SH3BGR: variants seen among roughly 807,000 people sequenced by gnomAD.
SH3BGR encodes the protein SH3 domain binding glutamate rich protein, also known as SH3 domain-binding glutamic acid-rich protein.
In SH3BGR, 29 loss-of-function variants were observed where a neutral mutation model predicts 24.5. That is an observed-to-expected ratio of 1.18 (90% confidence interval 0.88 to 1.61). The LOEUF (loss-of-function observed/expected upper bound fraction) is 1.61, where lower values mean the gene tolerates loss of function less well. SH3BGR is among the 40% of genes most tolerant of loss of function. The pLI is 0.00. For synonymous variants in SH3BGR, 55 were observed against 65.7 expected (o/e 0.84, Z 0.79); for missense variants, 162 against 205.8 (o/e 0.79, Z 1.30).
chr21:39,452,018 G>GTGTCAC lies in SH3BGR; in HGVS notation c.-73_-68dup. The GTGTCAC allele has an allele frequency of 6.2e-7, 1 of 1,614,172 alleles. No individual in the cohort carries two copies. The highest frequency in any genetic ancestry group is 8.5e-7 in the Non-Finnish European group (1 of 1,180,026). On this transcript the variant is annotated 5_prime_UTR_variant, in exon 1 of 7. Transcript: ENST00000333634. Reference sequence around the variant, plus strand: ...GCCCCGACCTGGCACTTGCTTGCCTGTGTCACTGTCAGGATTTGTCTAGCG... The same window carrying GTGTCAC: ...GCCCCGACCTGGCACTTGCTTGCCTGTGTCACTGTCACTGTCAGGATTTGTCTAGCG...
chr21:39,462,032 A>G (rs2077763455), intron 1 of SH3BGR, among the ~76,000 whole-genome samples: 1 of 152,000 alleles, frequency 6.6e-6, no homozygotes. Flanking sequence ...TATTTTTAGT[A>G]GAGACAAGGT....
intron 3 of SH3BGR, among the ~76,000 whole-genome samples, chr21:39,498,369 C>A (rs2078433689): frequency 6.6e-6 from 1 of 152,144 alleles, no homozygotes; most frequent in Non-Finnish European, 1.5e-5. Context: ...GGCTGGGACC[C>A]ATTTTGTAAG....
rs144052054 is a variant in SH3BGR, at chr21:39,485,111, G to C, written c.312+9896G>C. Among the ~76,000 whole-genome samples, 528 of 152,270 alleles carry C rather than the reference G, an allele frequency of 3.5e-3. 4 individuals are homozygous for C. Among genetic ancestry groups the C allele is most frequent in the African/African-American group, 0.012 (497 of 41,542 alleles). On this transcript the variant is annotated intron_variant, in intron 3 of 6. Coordinates refer to ENST00000333634, the MANE Select transcript of SH3BGR (RefSeq NM_007341.3). ...CAAGAGGGCTTTGTAAGTAAGCATTGGTTCCATAAAGTCAACCTTAGTTCT... is the reference window on the plus strand; with the variant it reads ...CAAGAGGGCTTTGTAAGTAAGCATTCGTTCCATAAAGTCAACCTTAGTTCT...
intron 3 of SH3BGR, among the ~76,000 whole-genome samples, chr21:39,496,627 G>T (rs1353485289): frequency 6.6e-6 from 1 of 151,680 alleles, no homozygotes; most frequent in Non-Finnish European, 1.5e-5. Flanking sequence ...TAAGTTTCTA[G>T]ATGAAAGAAA....
rs74859291 is a variant in SH3BGR, at chr21:39,452,944, A to G, written c.45+803A>G. 3.6e-3 allele frequency among the ~76,000 whole-genome samples: 546 copies of G among 152,356 alleles called. 4 individuals are homozygous for G. Among genetic ancestry groups the G allele is most frequent in the African/African-American group, 0.013 (532 of 41,574 alleles). ...GTCTGGAACTGATATTTCGACCAGC[A>G]TTTTAGCAGCAGTTAGGAAGGCTGT... is the stretch of plus-strand genomic sequence containing the variant. On this transcript the variant is annotated intron_variant, in intron 1 of 6. Coordinates refer to ENST00000333634, the MANE Select transcript of SH3BGR (RefSeq NM_007341.3).
chr21:39,492,760 G>A (rs529383317), intron 3 of SH3BGR, among the ~76,000 whole-genome samples: 1 of 151,976 alleles, frequency 6.6e-6, no homozygotes, highest in African/African-American at 2.4e-5. Flanking sequence ...AGTGTTCCCT[G>A]TTCACTGCAT....
chr21:39,468,675 G>A (rs1300098783), intron 2 of SH3BGR, among the ~76,000 whole-genome samples: 2 of 152,196 alleles, frequency 1.3e-5, no homozygotes, highest in Non-Finnish European at 2.9e-5. Context: ...CTGGGCTCAA[G>A]CAATCCTCCT....
chr21:39,511,843 A>G lies in SH3BGR; in HGVS notation c.*34+34A>G, dbSNP rs1278595996. The G allele has an allele frequency of 2.5e-6, 4 of 1,576,734 alleles. No homozygotes were observed. The highest frequency in any genetic ancestry group is 1.9e-5 in the Admixed American group (1 of 52,164). Reference sequence around the variant, plus strand: ...AGGATTCTGGGGTGGAAAAGCTGCTAGTTACCGTACTGTATGCTATCTGCG... The same window carrying G: ...AGGATTCTGGGGTGGAAAAGCTGCTGGTTACCGTACTGTATGCTATCTGCG... On this transcript the variant is annotated intron_variant, in intron 6 of 6. Transcript: ENST00000333634. The surrounding 1 kb of genome is among the most constrained non-coding windows in gnomAD (Gnocchi z 4.2).
Position 39,452,001 on chromosome 21 carries a change from C to T in SH3BGR, c.-96C>T. The T allele has an allele frequency of 6.2e-7, 1 of 1,614,216 alleles. No homozygotes were observed. Among genetic ancestry groups the T allele is most frequent in the Non-Finnish European group, 8.5e-7 (1 of 1,180,036 alleles). On this transcript the variant is annotated 5_prime_UTR_variant, in exon 1 of 7. Coordinates refer to ENST00000333634, the MANE Select transcript of SH3BGR (RefSeq NM_007341.3). ...CCCCTGGGCTGCTGCCAGCCCCGAC[C>T]TGGCACTTGCTTGCCTGTGTCACTG... is the stretch of plus-strand genomic sequence containing the variant.
At chr21:39,475,351 A>G in intron 3 of SH3BGR, 136 bp downstream of exon 3, 3 of 569,732 alleles carry the variant, frequency 5.3e-6, no homozygotes, top group Non-Finnish European at 9.3e-6. Context: ...ATTCTGATGC[A>G]GTCCTATGCA....
At chr21:39,463,354 CCA>C (rs2077787309) in intron 2 of SH3BGR, among the ~76,000 whole-genome samples, 1 of 151,916 alleles carries the variant, frequency 6.6e-6, no homozygotes, top group Admixed American at 6.6e-5. Context: ...CTTTTTTTCC[CCA>C]GAGTTTATAG....
intron 4 of SH3BGR, among the ~76,000 whole-genome samples, chr21:39,504,841 A>G: frequency 6.6e-6 from 1 of 151,964 alleles, no homozygotes; most frequent in Non-Finnish European, 1.5e-5. Flanking sequence ...ATTTTTATTT[A>G]TTTATTTTTA....
intron 2 of SH3BGR, among the ~76,000 whole-genome samples, chr21:39,465,166 T>C (rs1025471226): frequency 2.0e-5 from 3 of 152,036 alleles, no homozygotes; most frequent in Non-Finnish European, 4.4e-5. Context: ...TCCCAAAGTA[T>C]TGGGATTACA....
intron 1 of SH3BGR, among the ~76,000 whole-genome samples, chr21:39,453,940 C>G (rs190849636): frequency 4.6e-5 from 7 of 152,296 alleles, no homozygotes; most frequent in Admixed American, 4.6e-4. Flanking sequence ...TTAGTTGCTA[C>G]TATAATTGTT....
At position 39,454,849 on chromosome 21, in the gene SH3BGR, G is replaced by A. The variant is rs73367994; in HGVS notation, c.45+2708G>A. Reference sequence around the variant, plus strand: ...CGTGTGACAGTGCACTGGGATGGTAGTGTGCTATGTGGTGCCTGACAGTGC... The same window carrying A: ...CGTGTGACAGTGCACTGGGATGGTAATGTGCTATGTGGTGCCTGACAGTGC... On this transcript the variant is annotated intron_variant, in intron 1 of 6. Coordinates refer to ENST00000333634, the MANE Select transcript of SH3BGR (RefSeq NM_007341.3). Among the ~76,000 whole-genome samples the A allele has an allele frequency of 2.8e-3, 420 of 152,348 alleles. 1 individual carries two copies. Among genetic ancestry groups the A allele is most frequent in the African/African-American group, 9.7e-3 (405 of 41,578 alleles).
chr21:39,457,405 CTT>C (rs2077677184), intron 1 of SH3BGR, among the ~76,000 whole-genome samples: 1 of 139,550 alleles, frequency 7.2e-6, no homozygotes, highest in Admixed American at 7.3e-5. Context: ...ATATATAAAT[CTT>C]ATATATAAGA....
chr21:39,453,409 AT>A (rs1184262712), intron 1 of SH3BGR, among the ~76,000 whole-genome samples: 1 of 146,308 alleles, frequency 6.8e-6, no homozygotes, highest in Non-Finnish European at 1.5e-5. Flanking sequence ...GGATAAAAAA[AT>A]TTTTTTGGGG....
At chr21:39,509,271 G>T (rs75974756) in intron 5 of SH3BGR, among the ~76,000 whole-genome samples, 5,014 of 152,180 alleles carry the variant, frequency 0.033, 87 homozygotes, top group Middle Eastern at 0.071. Context: ...TCAGGTGAAG[G>T]TGTCTTCCGT....
chr21:39,448,640 A>T (rs564550569), upstream of SH3BGR, among the ~76,000 whole-genome samples: 14 of 152,296 alleles, frequency 9.2e-5, no homozygotes, highest in Admixed American at 2.6e-4. Context: ...GCTGAGATCA[A>T]GCCACTGCAC....
Sources: allele counts gnomAD v4.1 joint callset (sites outside exome capture counted in the v4.1 genomes callset), GRCh38; gene constraint gnomAD v4.1.1; non-coding constraint Gnocchi (gnomAD v3.1); transcripts MANE v1.5; gene names NCBI Gene and HGNC (gene_info 2026-07-23, HGNC 2026-07-21).